Variants in ACBD5 observed in about 807,000 individuals in gnomAD.
The protein encoded by ACBD5 is acyl-CoA-binding domain-containing protein 5.
Under a neutral mutation model 71.8 loss-of-function variants are expected in ACBD5, and 40 were observed. That is an observed-to-expected ratio of 0.56 (90% CI 0.43 to 0.72). ACBD5 has a LOEUF of 0.72. Ranked by LOEUF, ACBD5 falls within the 30% of genes least tolerant of loss-of-function variation. The probability of loss-of-function intolerance (pLI) is 0.00; values close to 1 mark genes in which losing one functional copy is unlikely to be tolerated. For synonymous variants in ACBD5, 229 were observed against 218.6 expected (o/e 1.05, Z -0.42); for missense variants, 559 against 644.5 (o/e 0.87, Z 1.44).
rs141663895 is a variant in ACBD5, at chr10:27,222,819, G to A, written c.490+519C>T. Among the ~76,000 whole-genome samples, 132 of 152,194 alleles carry A rather than the reference G, an allele frequency of 8.7e-4. 2 individuals are homozygous for A. The East Asian group carries it at 0.025, about 28-fold the overall frequency. ...CTCCTGACCTCAAGGTGATCTGCCCGCTTTCGCTTCCCAAAGTGCTGGGAT... is the reference window on the plus strand; with the variant it reads ...CTCCTGACCTCAAGGTGATCTGCCCACTTTCGCTTCCCAAAGTGCTGGGAT... On this transcript the variant is annotated intron_variant, in intron 5 of 12. Coordinates refer to ENST00000396271, the MANE Select transcript of ACBD5 (RefSeq NM_145698.5).
chr10:27,219,454 T>C (rs1040309670), intron 6 of ACBD5, among the ~76,000 whole-genome samples: 1 of 150,390 alleles, frequency 6.6e-6, no homozygotes, highest in Non-Finnish European at 1.5e-5. Flanking sequence ...AAATAGCACA[T>C]GTCTAATGCA....
chr10:27,192,842 C>T (rs1001840644), downstream of ACBD5, among the ~76,000 whole-genome samples: 2 of 151,512 alleles, frequency 1.3e-5, no homozygotes, highest in East Asian at 2.0e-4. Context: ...TGGTGGCGGG[C>T]GCCTGTAATC....
At position 27,210,900 on chromosome 10, in the gene ACBD5, TCTC is replaced by T; in HGVS notation, c.1115_1117del (p.Gly372del). ...TGCTCCGCTGTTATTCCTGCCATCTTCTCCTCCATGCTTGACTTCACCTTTTCC... is the reference window on the plus strand; with the variant it reads ...TGCTCCGCTGTTATTCCTGCCATCTTCTCCATGCTTGACTTCACCTTTTCC... On this transcript the variant is annotated inframe_deletion, in exon 9 of 13. Transcript: ENST00000396271. 1 of 1,614,142 alleles carries T rather than the reference TCTC, an allele frequency of 6.2e-7. No individual in the cohort carries two copies. Among genetic ancestry groups the T allele is most frequent in the Non-Finnish European group, 8.5e-7 (1 of 1,180,026 alleles).
rs761230760 is a variant in ACBD5 at position 27,208,493 on chromosome 10, A to T, written c.1205-48T>A. The T allele has an allele frequency of 2.5e-6, 4 of 1,585,642 alleles. No individual in the cohort carries two copies. The African/African-American group carries it at 5.4e-5, about 21-fold the overall frequency. On this transcript the variant is annotated intron_variant, in intron 9 of 12. Transcript: ENST00000396271. The stretch of plus-strand genomic sequence containing the variant: ...GCTTGTTTTAAATAATTCTTATACA[A>T]GTAAAACTGTGTTTTATTCATTTTC...
intron 2 of ACBD5, among the ~76,000 whole-genome samples, chr10:27,237,819 C>T (rs1418778730): frequency 6.6e-6 from 1 of 151,858 alleles, no homozygotes; most frequent in Non-Finnish European, 1.5e-5. Flanking sequence ...TGGGGTTTCA[C>T]CATGTTGGCC....
rs1346302964 is a variant in ACBD5, at chr10:27,186,514, C to A, written c.1494-3799G>T. On this transcript the variant is annotated intron_variant, in intron 13 of 13. Coordinates refer to the ACBD5 transcript ENST00000676511. ...GCCAGGAATACTGCTCAGCACCTGA[C>A]TGTATCTGGATTTAGTCTGTAGCAC... 1 of 1,614,050 alleles carries A rather than the reference C, an allele frequency of 6.2e-7. No individual in the cohort carries two copies. Among genetic ancestry groups the A allele is most frequent in the Non-Finnish European group, 8.5e-7 (1 of 1,179,982 alleles).
chr10:27,192,831 G>C (rs1308928275), downstream of ACBD5, among the ~76,000 whole-genome samples: 1 of 151,796 alleles, frequency 6.6e-6, no homozygotes, highest in Non-Finnish European at 1.5e-5. Context: ...TTAGCCGGGC[G>C]TGGTGGCGGG....
At chr10:27,183,346 T>C (rs1974366) in intron 13 of ACBD5, among the ~76,000 whole-genome samples, 128,797 of 152,042 alleles carry the variant, frequency 0.85, 54,819 homozygotes, top group East Asian at 0.99. Flanking sequence ...TGCAGTGGTG[T>C]GATCTCGGCT....
At chr10:27,203,871 A>C (rs1184418402) in intron 12 of ACBD5, among the ~76,000 whole-genome samples, 1 of 152,268 alleles carries the variant, frequency 6.6e-6, no homozygotes, top group Non-Finnish European at 1.5e-5. Context: ...TCCTTTGCTC[A>C]AGTAATCCTC....
chr10:27,217,412 C>A (rs1377569283), intron 7 of ACBD5, among the ~76,000 whole-genome samples: 1 of 149,280 alleles, frequency 6.7e-6, no homozygotes, highest in African/African-American at 2.5e-5. Context: ...GCCGAGATTG[C>A]GCCACTGCAC....
chr10:27,241,924 C>G (rs764901793), upstream of ACBD5: 18 of 400,190 alleles, frequency 4.5e-5, no homozygotes, highest in Non-Finnish European at 8.8e-5. Context: ...GTCCTGTAGC[C>G]CGGAAATCCC....
intron 12 of ACBD5, among the ~76,000 whole-genome samples, chr10:27,199,955 A>G (rs12415447): frequency 0.056 from 8,505 of 151,918 alleles, 381 homozygotes; most frequent in Admixed American, 0.12. Context: ...CGCCACTGCA[A>G]TCCAGCCTGG....
intron 2 of ACBD5, among the ~76,000 whole-genome samples, chr10:27,239,881 G>A (rs996435329): frequency 1.3e-5 from 2 of 152,136 alleles, no homozygotes; most frequent in Admixed American, 1.3e-4. Context: ...CGAGTAGCTG[G>A]GACTACAGGC....
intron 3 of ACBD5, 128 bp from the exon 4 acceptor site, chr10:27,231,948 T>C (rs948953521): frequency 1.2e-6 from 1 of 861,928 alleles, no homozygotes; most frequent in Non-Finnish European, 1.9e-6. Context: ...AACAGGATTG[T>C]CTTAAATGTG....
downstream of ACBD5, chr10:27,195,153 T>G (rs1314245090): frequency 5.6e-5 from 19 of 339,562 alleles, no homozygotes; most frequent in Non-Finnish European, 8.5e-5. Context: ...CGACTACTAC[T>G]TACTCTCATT....
upstream of ACBD5, chr10:27,240,952 G>C (rs1274509301): frequency 5.1e-6 from 3 of 594,022 alleles, no homozygotes; most frequent in Non-Finnish European, 6.0e-6. This position sits in a 1 kb window ranked among gnomAD's most constrained non-coding sequence, Gnocchi z 4.1. Flanking sequence ...AGGAGGGTCC[G>C]GGAAGCGGGG....
At chr10:27,215,863 C>T (rs542969622) in intron 7 of ACBD5, among the ~76,000 whole-genome samples, 1 of 150,446 alleles carries the variant, frequency 6.6e-6, no homozygotes, top group South Asian at 2.1e-4. Flanking sequence ...CCATGCCCAG[C>T]TAATTTTTGT....
rs752350792 is a variant in ACBD5 at position 27,196,336 on chromosome 10, C to A, written c.*1094G>T. The A allele has an allele frequency of 6.6e-6, 3 of 453,964 alleles. No homozygotes were observed. The highest frequency in any genetic ancestry group is 6.0e-5 in the African/African-American group (3 of 49,992). 28.1% of individuals were successfully genotyped at this position (453,964 alleles called of 1,614,324 possible). On this transcript the variant is annotated 3_prime_UTR_variant, in exon 13 of 13. Coordinates refer to ENST00000396271, the MANE Select transcript of ACBD5 (RefSeq NM_145698.5). ...TCTAAATTGTAGTCTTCTTTTTGGTCTAGATGAGAGAGGTGGGGAAGAGGG... is the reference window on the plus strand; with the variant it reads ...TCTAAATTGTAGTCTTCTTTTTGGTATAGATGAGAGAGGTGGGGAAGAGGG...
intron 12 of ACBD5, 119 bp from the exon 13 acceptor site, chr10:27,197,561 C>G (rs2059482384): frequency 1.3e-6 from 1 of 767,968 alleles, no homozygotes; most frequent in Non-Finnish European, 2.2e-6. Context: ...TACCAACAGT[C>G]TTTATAGAAC....
Sources: allele counts gnomAD v4.1 joint callset (sites outside exome capture counted in the v4.1 genomes callset), GRCh38; gene constraint gnomAD v4.1.1; non-coding constraint Gnocchi (gnomAD v3.1); transcripts MANE v1.5; gene names NCBI Gene and HGNC (gene_info 2026-07-23, HGNC 2026-07-21).